MSLN: variants seen among roughly 807,000 people sequenced by gnomAD.
The protein encoded by MSLN is mesothelin.
Under a neutral mutation model 72.6 loss-of-function variants are expected in MSLN, and 82 were observed. The observed-to-expected ratio is 1.13, with a 90% confidence interval of 0.94 to 1.36. MSLN has a LOEUF of 1.36. Ranked by LOEUF, MSLN falls within the 40% of genes most tolerant of loss-of-function variation. MSLN has a pLI of 0.00. For synonymous variants in MSLN, 456 were observed against 387.3 expected (o/e 1.18, Z -2.08); for missense variants, 1,005 against 847.9 (o/e 1.19, Z -2.30).
In MSLN at chr16:768,769, G is replaced by T. The variant is rs370337384; in HGVS notation, c.*36G>T. On this transcript the variant is annotated 3_prime_UTR_variant, in exon 18 of 18. Coordinates refer to ENST00000545450, the MANE Select transcript of MSLN (RefSeq NM_005823.6). ...CCCTTGCTGGCCCCAGCCCTGCTGG[G>T]GATCCCCGCCTGGCCAGGAGCAGGC... 4.4e-6 allele frequency: 7 copies of T among 1,602,248 alleles called. No homozygotes were observed. The African/African-American group carries it at 9.4e-5, about 21-fold the overall frequency.
At position 767,454 on chromosome 16, in the gene MSLN, G is replaced by A. The variant is rs372418783; in HGVS notation, c.1580G>A (p.Arg527Gln). Residue 527 changes from arginine (R) to glutamine (Q), a missense_variant, in exon 16 of 18, where the codon CGG becomes CAG. Arg to Gln is a conservative substitution (Grantham distance 43). Coordinates refer to ENST00000545450, the MANE Select transcript of MSLN (RefSeq NM_005823.6). ...SMDLATFMKL[R>Q]TDAVLPLTVA... ...GACTTGGCCACGTTCATGAAGCTGC[G>A]GACGGATGCGGTGCTGGTATGGCGA... The A allele has an allele frequency of 8.7e-5, 138 of 1,590,730 alleles. No homozygotes were observed. The highest frequency in any genetic ancestry group is 1.1e-4 in the Non-Finnish European group (126 of 1,171,252).
rs1188978770 is a variant in MSLN, at chr16:760,748, T to C, written c.-185T>C. ...CGGGCAAAGCCGTCATTTGTTCCCT[T>C]TGACGGCCCGGGAGGCTGCCAGGCT... is the stretch of plus-strand genomic sequence containing the variant. On this transcript the variant is annotated 5_prime_UTR_variant, in exon 1 of 18. Coordinates refer to ENST00000545450, the MANE Select transcript of MSLN (RefSeq NM_005823.6). 1 of 152,180 alleles carries C rather than the reference T, an allele frequency of 6.6e-6. No homozygotes were observed. Among genetic ancestry groups the C allele is most frequent in the African/African-American group, 2.4e-5 (1 of 41,412 alleles). The allele number at this position is 152,180 out of a possible 1,614,324, so 9.4% of individuals were successfully genotyped here. A position where few individuals can be genotyped will look rare whatever the true frequency, so the allele number is the denominator to read the frequency against.
intron 16 of MSLN, 81 bp from the exon 17 acceptor site, chr16:768,298 G>A: frequency 7.1e-7 from 1 of 1,407,930 alleles, no homozygotes; most frequent in South Asian, 1.6e-5. Context: ...GGGGCAGTTT[G>A]GACACAGGAG....
At position 767,388 on chromosome 16, in the gene MSLN, C is replaced by G; in HGVS notation, c.1514C>G (p.Thr505Arg). The G allele has an allele frequency of 1.9e-6, 3 of 1,608,070 alleles. No individual in the cohort carries two copies. The highest frequency in any genetic ancestry group is 2.5e-6 in the Non-Finnish European group (3 of 1,177,738). ...TCCCGGCGGGCAGGTGGGGCCCCCA[C>G]GGAGGATTTGAAGGCGCTCAGTCAG... ...KIQSFLGGAP[T>R]EDLKALSQQN... Residue 505 changes from threonine to arginine, a missense_variant, in exon 16 of 18, where the codon ACG becomes AGG. Transcript: ENST00000545450.
At chr16:765,335 C>A in intron 9 of MSLN, 32 bp downstream of exon 9, 1 of 1,519,522 alleles carries the variant, frequency 6.6e-7, no homozygotes, top group Non-Finnish European at 8.8e-7. Context: ...CTCGAAGGCT[C>A]ACCTGGCGGC....
chr16:766,924 G>A lies in MSLN; in HGVS notation c.1413G>A (p.Arg471=), dbSNP rs1450451783. 6.2e-7 allele frequency: 1 copy of A among 1,612,668 alleles called. No homozygotes were observed. The highest frequency in any genetic ancestry group is 1.1e-5 in the South Asian group (1 of 91,084). ...RPQDLDTCDP[R]QLDVLYPKAR... ...AGGACCTGGACACGTGTGACCCAAG[G>A]CAGCTGGACGTCCTCTATCCCAAGG... The change falls in exon 15 of 18, where the codon AGG becomes AGA. Residue 471 remains arginine (R), a synonymous_variant. Transcript: ENST00000545450.
intron 5 of MSLN, 135 bp from the exon 6 acceptor site, chr16:763,888 C>T (rs1025294168): frequency 7.6e-7 from 1 of 1,310,180 alleles, no homozygotes; most frequent in South Asian, 1.4e-5. Flanking sequence ...GAGGGCGTCA[C>T]CTGGTCTTGG....
chr16:762,754 T>TA lies in MSLN; in HGVS notation c.74_75insA (p.Phe26LeufsTer32). 6.3e-7 allele frequency: 1 copy of TA among 1,593,346 alleles called. No individual in the cohort carries two copies. Among genetic ancestry groups the TA allele is most frequent in the Non-Finnish European group, 8.5e-7 (1 of 1,171,760 alleles). On this transcript the variant is annotated frameshift_variant, in exon 3 of 18. Transcript: ENST00000545450. LOFTEE classifies it high-confidence loss of function. ...GCCCTCGGCAGCCTCCTGTTCCTGC[T>TA]CTTCAGCCTCGGTGCGTACTTGATG...
chr16:762,900 T>C (rs1265389811), intron 3 of MSLN, 135 bp downstream of exon 3: 1 of 700,410 alleles, frequency 1.4e-6, no homozygotes, highest in African/African-American at 1.8e-5. Context: ...CAGCAGTCTC[T>C]GCCCCCAGAG....
At chr16:761,888 A>C (rs2041540755) in intron 2 of MSLN, among the ~76,000 whole-genome samples, 1 of 151,764 alleles carries the variant, frequency 6.6e-6, no homozygotes, top group African/African-American at 2.4e-5. Context: ...GCTCTATTCT[A>C]CTCCGCCATG....
intron 11 of MSLN, 97 bp from the exon 12 acceptor site, chr16:765,962 G>A (rs569837652): frequency 7.2e-7 from 1 of 1,397,874 alleles, no homozygotes; most frequent in South Asian, 1.3e-5. Context: ...CACAGGGAGG[G>A]TCACAAATGG....
chr16:765,056 C>A lies in MSLN; in HGVS notation c.510+20C>A, dbSNP rs372734233. Reference sequence around the variant, plus strand: ...TGCTGGGTAGGGGCTGGGGCCAGCGCGGGGCGGAGAGGGCTCGGCAGTTCC... The same window carrying A: ...TGCTGGGTAGGGGCTGGGGCCAGCGAGGGGCGGAGAGGGCTCGGCAGTTCC... On this transcript the variant is annotated intron_variant, in intron 8 of 17. Coordinates refer to ENST00000545450, the MANE Select transcript of MSLN (RefSeq NM_005823.6). 1.4e-4 allele frequency: 228 copies of A among 1,609,608 alleles called. No individual in the cohort carries two copies. The highest frequency in any genetic ancestry group is 1.7e-4 in the Non-Finnish European group (199 of 1,178,518).
intron 11 of MSLN, 41 bp from the exon 12 acceptor site, chr16:766,018 A>G: frequency 1.3e-6 from 2 of 1,550,402 alleles, no homozygotes; most frequent in Non-Finnish European, 1.7e-6. Flanking sequence ...GAAGGGGTCA[A>G]ACGAACTCCG....
In MSLN at chr16:768,452, G is replaced by C. The variant is rs150425699; in HGVS notation, c.1670G>C (p.Arg557Pro). Residue 557 changes from arginine (R) to proline (P), a missense_variant, in exon 17 of 18, where the codon CGC becomes CCC. Transcript: ENST00000545450. Reference protein sequence around the residue: ...VEGLKAEERHRPVRDWILRQR... With the variant: ...VEGLKAEERHPPVRDWILRQR... ...GGCCTGAAGGCGGAGGAGCGGCACC[G>C]CCCGGTGCGGGACTGGATCCTACGG... The C allele has an allele frequency of 1.9e-6, 3 of 1,539,790 alleles. No individual in the cohort carries two copies. The highest frequency in any genetic ancestry group is 1.8e-6 in the Non-Finnish European group (2 of 1,139,290).
Position 766,618 on chromosome 16 carries a change from A to C in MSLN, c.1231-50A>C, listed in dbSNP as rs201050086. ...CGGCCTGAGGTTATGCTGGTGGTGG[A>C]GGGATACATCTCTCCTTGCCACAAG... is the stretch of plus-strand genomic sequence containing the variant. On this transcript the variant is annotated intron_variant, in intron 13 of 17. Transcript: ENST00000545450. The C allele has an allele frequency of 8.4e-5, 135 of 1,611,108 alleles. 1 individual carries two copies. The African/African-American group carries it at 1.7e-3, about 21-fold the overall frequency.
At chr16:766,624 A>G in intron 13 of MSLN, 44 bp from the exon 14 acceptor site, 29 of 1,611,466 alleles carry the variant, frequency 1.8e-5, no homozygotes, top group Non-Finnish European at 2.5e-5. Context: ...GTGGAGGGAT[A>G]CATCTCTCCT....
chr16:766,765 C>G lies in MSLN; in HGVS notation c.1328C>G (p.Ser443Cys), dbSNP rs201807512. 51 of 1,612,626 alleles carry G rather than the reference C, an allele frequency of 3.2e-5. No individual in the cohort carries two copies. The highest frequency in any genetic ancestry group is 4.0e-5 in the Non-Finnish European group (47 of 1,179,894). ...LTAFYPGYLCSLSPEELSSVP... is the reference protein window; with the variant it reads ...LTAFYPGYLCCLSPEELSSVP... The stretch of plus-strand genomic sequence containing the variant: ...GCCTTCTACCCTGGGTACCTGTGCT[C>G]CCTCAGCCCCGAGGAGCTGAGCTCC... Residue 443 changes from serine to cysteine, a missense_variant, in exon 14 of 18, where the codon TCC becomes TGC. Transcript: ENST00000545450.
Position 766,733 on chromosome 16 carries a change from C to T in MSLN, c.1296C>T (p.Thr432=). The T allele has an allele frequency of 6.2e-7, 1 of 1,612,666 alleles. No individual in the cohort carries two copies. Among genetic ancestry groups the T allele is most frequent in the Non-Finnish European group, 8.5e-7 (1 of 1,179,920 alleles). ...RGQLDKDTLD[T]LTAFYPGYLC... is the part of the protein sequence containing the mutation. ...AGCTAGACAAAGACACCCTAGACACCCTGACCGCCTTCTACCCTGGGTACC... is the reference window on the plus strand; with the variant it reads ...AGCTAGACAAAGACACCCTAGACACTCTGACCGCCTTCTACCCTGGGTACC... Residue 432 remains threonine, a synonymous_variant, in exon 14 of 18, where the codon ACC becomes ACT. Coordinates refer to ENST00000545450, the MANE Select transcript of MSLN (RefSeq NM_005823.6).
At position 762,703 on chromosome 16, in the gene MSLN, C is replaced by A; in HGVS notation, c.23C>A (p.Pro8His). The change falls in exon 3 of 18, where the codon CCC becomes CAC. Residue 8 changes from proline (P) to histidine (H), a missense_variant. By Grantham distance (77) the Pro-to-His change is moderately conservative (BLOSUM62 -2). Coordinates refer to ENST00000545450, the MANE Select transcript of MSLN (RefSeq NM_005823.6). Reference sequence around the variant, plus strand: ...ACCATGGCCTTGCCAACGGCTCGACCCCTGTTGGGGTCCTGTGGGACCCCC... The same window carrying A: ...ACCATGGCCTTGCCAACGGCTCGACACCTGTTGGGGTCCTGTGGGACCCCC... MALPTAR[P>H]LLGSCGTPAL... 6.2e-7 allele frequency: 1 copy of A among 1,611,484 alleles called. No individual in the cohort carries two copies. Among genetic ancestry groups the A allele is most frequent in the East Asian group, 2.2e-5 (1 of 44,790 alleles).
Sources: gnomAD v4.1 joint callset for allele counts (sites outside exome capture counted in the v4.1 genomes callset) on GRCh38, gnomAD v4.1.1 for gene constraint, MANE v1.5 for transcripts, NCBI Gene and HGNC (gene_info 2026-07-23, HGNC 2026-07-21) for gene names.